JDP2: variants seen among roughly 807,000 people sequenced by gnomAD.
JDP2 encodes Jun dimerization protein 2, also known as progesterone receptor co-activator.
JDP2 carries 9 observed loss-of-function variants against 17.1 expected under a neutral mutation model. That is an observed-to-expected ratio of 0.53 (90% CI 0.32 to 0.92). The LOEUF (loss-of-function observed/expected upper bound fraction) is 0.92. Among genes scored for constraint, JDP2 ranks in the 40% least tolerant of loss-of-function variants. The pLI is 0.04. For missense variants in JDP2, 179 were observed against 220.0 expected, an observed-to-expected ratio of 0.81 and a Z score of 1.18; for synonymous variants, 107 against 95.6, an observed-to-expected ratio of 1.12 and a Z score of -0.69.
At chr14:75,432,421 A>T (rs1884850872) in intron 1 of JDP2, 2 of 1,340,028 alleles carry the variant, frequency 1.5e-6, no homozygotes, top group Admixed American at 2.1e-5. Flanking sequence ...CTGTCCTGGG[A>T]ATCTTCCCAG....
At chr14:75,451,076 C>A (rs954557303) in intron 2 of JDP2, among the ~76,000 whole-genome samples, 1 of 152,168 alleles carries the variant, frequency 6.6e-6, no homozygotes, top group Non-Finnish European at 1.5e-5. Flanking sequence ...TAGAGCGGAA[C>A]CCTGGGATCA....
intron 2 of JDP2, among the ~76,000 whole-genome samples, chr14:75,458,895 T>C (rs1594970503): frequency 6.6e-6 from 1 of 152,148 alleles, no homozygotes; most frequent in East Asian, 1.9e-4. Flanking sequence ...GACTAGAGGG[T>C]GATGCAGGAG....
At chr14:75,461,335 A>G (rs565644739) in intron 2 of JDP2, 91 bp from the exon 3 acceptor site, 1 of 926,812 alleles carries the variant, frequency 1.1e-6, no homozygotes, top group South Asian at 1.4e-5. Flanking sequence ...TGGGTTAGAA[A>G]GGCGAAGTTG....
intron 2 of JDP2, among the ~76,000 whole-genome samples, chr14:75,440,248 C>T (rs139676329): frequency 3.0e-3 from 461 of 152,200 alleles, no homozygotes; most frequent in African/African-American, 0.01. Flanking sequence ...GTTGTGGGGG[C>T]GAAGAGGCAG....
At chr14:75,464,268 A>G (rs543471798) in intron 3 of JDP2, among the ~76,000 whole-genome samples, 16 of 152,352 alleles carry the variant, frequency 1.1e-4, no homozygotes, top group African/African-American at 3.4e-4. Context: ...TCAGAGATAC[A>G]TATGTTAATT....
At chr14:75,466,169 G>A (rs949232941) in intron 3 of JDP2, among the ~76,000 whole-genome samples, 5 of 152,186 alleles carry the variant, frequency 3.3e-5, no homozygotes, top group African/African-American at 9.7e-5. Flanking sequence ...GGCTGGGCGC[G>A]GTGGCTCATG....
At chr14:75,431,605 C>T (rs1198307782) in intron 1 of JDP2, among the ~76,000 whole-genome samples, 1 of 152,206 alleles carries the variant, frequency 6.6e-6, no homozygotes. Flanking sequence ...AAACCGAGGC[C>T]GAGGGCAGGT....
At chr14:75,449,557 T>C (rs1165661808) in intron 2 of JDP2, among the ~76,000 whole-genome samples, 2 of 152,188 alleles carry the variant, frequency 1.3e-5, no homozygotes, top group African/African-American at 2.4e-5. Flanking sequence ...GATGAGGGTC[T>C]TGTGGGGGCC....
chr14:75,453,687 G>A (rs1250816180), intron 2 of JDP2, among the ~76,000 whole-genome samples: 1 of 152,200 alleles, frequency 6.6e-6, no homozygotes, highest in African/African-American at 2.4e-5. Flanking sequence ...TTGCCCAGGA[G>A]CACACAGCTG....
At chr14:75,456,158 C>A (rs140268713) in intron 2 of JDP2, among the ~76,000 whole-genome samples, 1 of 152,316 alleles carries the variant, frequency 6.6e-6, no homozygotes, top group Non-Finnish European at 1.5e-5. Flanking sequence ...GATTCATAGT[C>A]CCAATGACAA....
intron 2 of JDP2, among the ~76,000 whole-genome samples, chr14:75,447,297 T>C (rs1885646479): frequency 6.6e-6 from 1 of 152,244 alleles, no homozygotes; most frequent in South Asian, 2.1e-4. Context: ...CAATGCACTT[T>C]ATAGTTTGCA....
rs1433710996 is a variant in JDP2, at chr14:75,469,593, G to A, written c.*118G>A. On this transcript the variant is annotated 3_prime_UTR_variant, in exon 4 of 4. Coordinates refer to ENST00000651602, the MANE Select transcript of JDP2 (RefSeq NM_001135048.2). ...GGTGCATGAAAAACTGTACAATGAGGTTCAGCACAGCCAGCATCAGCCGAG... is the reference window on the plus strand; with the variant it reads ...GGTGCATGAAAAACTGTACAATGAGATTCAGCACAGCCAGCATCAGCCGAG... The A allele has an allele frequency of 2.4e-6, 2 of 841,440 alleles. No individual in the cohort carries two copies. The highest frequency in any genetic ancestry group is 2.7e-5 in the East Asian group (1 of 36,472). The allele number at this position is 841,440 out of a possible 1,614,324, so 52.1% of individuals were successfully genotyped here.
chr14:75,429,467 T>A (rs1053851774), intron 1 of JDP2, among the ~76,000 whole-genome samples: 4 of 152,092 alleles, frequency 2.6e-5, no homozygotes, highest in African/African-American at 9.7e-5. Flanking sequence ...TTTGGGTACA[T>A]TTGTACCCAA....
intron 2 of JDP2, among the ~76,000 whole-genome samples, chr14:75,440,483 T>A (rs886901851): frequency 1.3e-5 from 2 of 152,232 alleles, no homozygotes; most frequent in African/African-American, 4.8e-5. Context: ...TATTGGCATT[T>A]TAGACTAGTA....
At chr14:75,457,925 T>G (rs747850926) in intron 2 of JDP2, among the ~76,000 whole-genome samples, 1 of 152,250 alleles carries the variant, frequency 6.6e-6, no homozygotes, top group Non-Finnish European at 1.5e-5. Flanking sequence ...ATAAGTCACT[T>G]TGTAATGAAA....
chr14:75,454,814 G>T (rs1886028951), intron 2 of JDP2, among the ~76,000 whole-genome samples: 1 of 152,054 alleles, frequency 6.6e-6, no homozygotes. Context: ...TTGGAGTTGA[G>T]GGGTAGAGGA....
In JDP2 at chr14:75,443,109, C is replaced by T. The variant is rs71429097; in HGVS notation, c.201+4988C>T. 1.6e-3 allele frequency among the ~76,000 whole-genome samples: 250 copies of T among 152,160 alleles called. 1 individual carries two copies. The highest frequency in any genetic ancestry group is 3.4e-3 in the Admixed American group (52 of 15,284). On this transcript the variant is annotated intron_variant, in intron 2 of 3. Transcript: ENST00000651602. The stretch of plus-strand genomic sequence containing the variant: ...CTGGAGAACATTGAGAGGGTTTTCC[C>T]GTTTTGGATGAAGTGTGAATAGGAA...
intron 2 of JDP2, chr14:75,445,040 G>C: frequency 1.1e-6 from 1 of 922,872 alleles, no homozygotes; most frequent in Non-Finnish European, 1.3e-6. Flanking sequence ...GCCTTAAGAA[G>C]GGCTGTCAAG....
At chr14:75,432,655 C>G (rs1457259562) in intron 1 of JDP2, among the ~76,000 whole-genome samples, 1 of 152,244 alleles carries the variant, frequency 6.6e-6, no homozygotes, top group East Asian at 1.9e-4. Context: ...GCAGCCCAAG[C>G]CAGCTGCTGG....
Sources: allele counts gnomAD v4.1 joint callset (sites outside exome capture counted in the v4.1 genomes callset), GRCh38; gene constraint gnomAD v4.1.1; transcripts MANE v1.5; gene names NCBI Gene and HGNC (gene_info 2026-07-23, HGNC 2026-07-21).